ETV1: variants seen among roughly 807,000 people sequenced by gnomAD.
The protein encoded by ETV1 is ETS translocation variant 1.
Under a neutral mutation model 62.3 loss-of-function variants are expected in ETV1, and 27 were observed. That is an observed-to-expected ratio of 0.43 (90% CI 0.32 to 0.60). The LOEUF is 0.60. Ranked by LOEUF, ETV1 falls within the 20% of genes least tolerant of loss-of-function variation. ETV1 has a pLI of 0.06. For missense variants in ETV1, 605 were observed against 605.8 expected (o/e 1.00, Z 0.01); for synonymous variants, 222 against 199.6 (o/e 1.11, Z -0.94).
chr7:13,931,394 T>G, intron 9 of ETV1, 108 bp downstream of exon 9: 1 of 1,191,852 alleles, frequency 8.4e-7, no homozygotes, highest in East Asian at 2.4e-5. Context: ...CTGAAAGATC[T>G]TATTAAAAAA....
chr7:13,988,842 A>T, intron 3 of ETV1, 166 bp downstream of exon 3: 3 of 1,594,530 alleles, frequency 1.9e-6, no homozygotes, highest in Non-Finnish European at 1.7e-6. Context: ...AGGTAAGCTC[A>T]TTTTGAAGAC....
intron 6 of ETV1, among the ~76,000 whole-genome samples, chr7:13,945,615 T>C (rs975339382): frequency 6.6e-6 from 1 of 152,230 alleles, no homozygotes; most frequent in Admixed American, 6.5e-5. Context: ...ATTTTAACTT[T>C]CCTGCTTCCT....
chr7:13,909,858 A>T (rs918971482), intron 10 of ETV1, among the ~76,000 whole-genome samples, 158 bp from the exon 11 acceptor site: 3 of 152,162 alleles, frequency 2.0e-5, no homozygotes, highest in Non-Finnish European at 2.9e-5. Flanking sequence ...TCTGTGCCTC[A>T]GTTTCCTCAT....
intron 13 of ETV1, 140 bp downstream of exon 13, chr7:13,900,598 A>T: frequency 1.6e-6 from 1 of 610,226 alleles, no homozygotes; most frequent in Non-Finnish European, 2.8e-6. Context: ...GGCTTGTAAT[A>T]CCAAAACCAA....
chr7:13,921,109 C>A (rs1055364039), intron 9 of ETV1, among the ~76,000 whole-genome samples: 2 of 152,120 alleles, frequency 1.3e-5, no homozygotes, highest in Non-Finnish European at 2.9e-5. Context: ...CCCAAGTGAT[C>A]CTACACTTGA....
At chr7:13,898,339 A>G (rs1275180230) in intron 13 of ETV1, among the ~76,000 whole-genome samples, 1 of 152,232 alleles carries the variant, frequency 6.6e-6, no homozygotes, top group African/African-American at 2.4e-5. Context: ...ATTATGTTTT[A>G]TCTCTTAAAA....
chr7:13,981,106 T>C (rs939781057), intron 5 of ETV1, among the ~76,000 whole-genome samples: 1 of 151,846 alleles, frequency 6.6e-6, no homozygotes, highest in Admixed American at 6.6e-5. Flanking sequence ...TTTTTAAAGC[T>C]AAGGAAAAAG....
At chr7:13,965,392 AC>A (rs1268869132) in intron 6 of ETV1, among the ~76,000 whole-genome samples, 3 of 152,026 alleles carry the variant, frequency 2.0e-5, no homozygotes, top group Admixed American at 6.5e-5. Context: ...CATCTATCAT[AC>A]CTTGATGAGA....
At chr7:13,971,650 G>T (rs1366022169) in intron 6 of ETV1, among the ~76,000 whole-genome samples, 1 of 152,176 alleles carries the variant, frequency 6.6e-6, no homozygotes, top group African/African-American at 2.4e-5. Flanking sequence ...TCCTGGAAAT[G>T]CTCTGGAAGA....
intron 6 of ETV1, among the ~76,000 whole-genome samples, chr7:13,964,886 T>A (rs561734126): frequency 6.6e-6 from 1 of 152,148 alleles, no homozygotes; most frequent in East Asian, 1.9e-4. Flanking sequence ...AGCCTGATAA[T>A]CTTTTTGGGT....
Position 13,909,708 on chromosome 7 carries a change from T to G in ETV1, c.872-8A>C. ...CCTTTTCAAACATACAGCCTGTGGA[T>G]GAAAAAGGAATACATTTATTCATGA... is the stretch of plus-strand genomic sequence containing the variant. On this transcript the variant is annotated splice_region_variant and splice_polypyrimidine_tract_variant and intron_variant, in intron 10 of 13. Coordinates refer to ENST00000430479, the MANE Select transcript of ETV1 (RefSeq NM_004956.5). 1 of 1,605,470 alleles carries G rather than the reference T, an allele frequency of 6.2e-7. No homozygotes were observed. The highest frequency in any genetic ancestry group is 8.5e-7 in the Non-Finnish European group (1 of 1,172,692).
At chr7:13,976,583 C>G (rs772261443) in intron 6 of ETV1, among the ~76,000 whole-genome samples, 1 of 152,090 alleles carries the variant, frequency 6.6e-6, no homozygotes, top group Non-Finnish European at 1.5e-5. Context: ...TTAGATGTCA[C>G]CAACAGAACA....
At chr7:13,986,761 A>T (rs1583913987) in intron 4 of ETV1, 76 bp from the exon 5 acceptor site, 1 of 1,069,068 alleles carries the variant, frequency 9.4e-7, no homozygotes, top group Non-Finnish European at 1.4e-6. Flanking sequence ...ATTTGTCATG[A>T]AATTGGTATT....
At chr7:13,971,633 T>C (rs1780909233) in intron 6 of ETV1, among the ~76,000 whole-genome samples, 2 of 152,178 alleles carry the variant, frequency 1.3e-5, no homozygotes, top group African/African-American at 2.4e-5. Context: ...CTGGGACTTA[T>C]GCACACTCCT....
Position 13,909,636 on chromosome 7 carries a change from G to T in ETV1, c.936C>A (p.Phe312Leu), listed in dbSNP as rs765227604. 1 of 1,612,318 alleles carries T rather than the reference G, an allele frequency of 6.2e-7. No homozygotes were observed. Among genetic ancestry groups the T allele is most frequent in the Admixed American group, 1.7e-5 (1 of 59,954 alleles). The change falls in exon 11 of 14, where the codon TTC becomes TTA. Residue 312 changes from phenylalanine to leucine, a missense_variant. Phe to Leu is a conservative substitution (Grantham distance 22). Coordinates refer to ENST00000430479, the MANE Select transcript of ETV1 (RefSeq NM_004956.5). ...GAGGCAAAGTGTAAAACCTACCATC[G>T]AATTTTTCTGGGACAACACAGGTGT... is the stretch of plus-strand genomic sequence containing the variant. ...YDDTCVVPEKFDGDIKQEPGM... is the reference protein window; with the variant it reads ...YDDTCVVPEKLDGDIKQEPGM...
At chr7:13,939,981 A>G (rs1322385042) in intron 6 of ETV1, among the ~76,000 whole-genome samples, 1 of 152,228 alleles carries the variant, frequency 6.6e-6, no homozygotes, top group Non-Finnish European at 1.5e-5. Flanking sequence ...TTTATGTTTA[A>G]TAACGTACAA....
At chr7:13,907,461 A>AGATATTCATTTATTTGATATTC (rs1367097648) in intron 11 of ETV1, among the ~76,000 whole-genome samples, 4 of 152,124 alleles carry the variant, frequency 2.6e-5, no homozygotes, top group Non-Finnish European at 4.4e-5. Flanking sequence ...ATCTAGTGTA[A>AGATATTCATTTATTTGATATTC]AAATCTGTTA....
At position 13,911,232 on chromosome 7, in the gene ETV1, A is replaced by T. The variant is rs755134744; in HGVS notation, c.871+7T>A. 1 of 1,607,462 alleles carries T rather than the reference A, an allele frequency of 6.2e-7. No homozygotes were observed. Among genetic ancestry groups the T allele is most frequent in the Non-Finnish European group, 8.5e-7 (1 of 1,174,108 alleles). On this transcript the variant is annotated splice_region_variant and intron_variant, in intron 10 of 13. Coordinates refer to ENST00000430479, the MANE Select transcript of ETV1 (RefSeq NM_004956.5). ...TTTACACGGAATTTCAGTGGTGGAC[A>T]ACTTAACTTCTGTTCTGCTGGGATG...
chr7:13,906,692 C>T (rs1783001774), intron 11 of ETV1, 93 bp from the exon 12 acceptor site: 1 of 817,738 alleles, frequency 1.2e-6, no homozygotes, highest in Non-Finnish European at 1.8e-6. Flanking sequence ...ATGGTTAAAC[C>T]ACAATCAACC....
Sources: gnomAD v4.1 joint callset for allele counts (sites outside exome capture counted in the v4.1 genomes callset) on GRCh38, gnomAD v4.1.1 for gene constraint, MANE v1.5 for transcripts, NCBI Gene and HGNC (gene_info 2026-07-23, HGNC 2026-07-21) for gene names.